Variants in CDH4 observed in about 807,000 individuals in gnomAD.
The protein encoded by CDH4 is cadherin-4.
CDH4 carries 33 observed loss-of-function variants against 86.0 expected under a neutral mutation model. That is an observed-to-expected ratio of 0.38 (90% confidence interval 0.29 to 0.51). The LOEUF is 0.51. Ranked by LOEUF, CDH4 falls within the 20% of genes least tolerant of loss-of-function variation. The probability of loss-of-function intolerance (pLI) is 0.86; values close to 1 mark genes in which losing one functional copy is unlikely to be tolerated. For synonymous variants in CDH4, 555 were observed against 549.4 expected (o/e 1.01, Z -0.14); for missense variants, 1,114 against 1,307.4 (o/e 0.85, Z 2.28).
At chr20:61,336,300 A>G (rs887028844) in intron 2 of CDH4, among the ~76,000 whole-genome samples, 3 of 152,164 alleles carry the variant, frequency 2.0e-5, no homozygotes, top group Non-Finnish European at 4.4e-5. Flanking sequence ...TGATGTGTAT[A>G]AAATATGCAC....
intron 2 of CDH4, among the ~76,000 whole-genome samples, chr20:61,730,910 G>A (rs1271495518): frequency 3.2e-4 from 49 of 152,182 alleles, no homozygotes; most frequent in Non-Finnish European, 5.9e-5. Flanking sequence ...GGTCTGGGAT[G>A]GATTGGGTGT....
At chr20:61,762,697 C>A (rs141445655) in intron 3 of CDH4, among the ~76,000 whole-genome samples, 10 of 152,232 alleles carry the variant, frequency 6.6e-5, no homozygotes, top group African/African-American at 2.4e-4. Context: ...TCTGCTTATA[C>A]AAATCGGACC....
chr20:61,509,688 A>G (rs1455068125), intron 2 of CDH4, among the ~76,000 whole-genome samples: 2 of 152,068 alleles, frequency 1.3e-5, no homozygotes, highest in African/African-American at 4.8e-5. Flanking sequence ...AGTCAGGGAC[A>G]GGAGTGGCAG....
At chr20:61,629,913 C>A (rs1316125854) in intron 2 of CDH4, among the ~76,000 whole-genome samples, 1 of 152,168 alleles carries the variant, frequency 6.6e-6, no homozygotes, top group Non-Finnish European at 1.5e-5. Context: ...GTCAGGGAGT[C>A]CCCTGTGACT....
intron 2 of CDH4, among the ~76,000 whole-genome samples, chr20:61,619,880 C>T (rs1047237861): frequency 6.6e-6 from 1 of 152,222 alleles, no homozygotes; most frequent in Non-Finnish European, 1.5e-5. Context: ...ATGATGGCAG[C>T]GCTGGGGCCT....
At chr20:61,865,451 G>C (rs774529829) in intron 6 of CDH4, among the ~76,000 whole-genome samples, 5 of 152,092 alleles carry the variant, frequency 3.3e-5, no homozygotes, top group Non-Finnish European at 4.4e-5. Context: ...TATGTAATGG[G>C]TTAGTTTCCT....
At chr20:61,361,378 T>C (rs1037308242) in intron 2 of CDH4, among the ~76,000 whole-genome samples, 1 of 152,136 alleles carries the variant, frequency 6.6e-6, no homozygotes, top group Non-Finnish European at 1.5e-5. Flanking sequence ...GGAGAACTTG[T>C]AGAAATGGGC....
chr20:61,460,718 G>T (rs531903444), intron 2 of CDH4, among the ~76,000 whole-genome samples: 19 of 152,330 alleles, frequency 1.2e-4, no homozygotes, highest in Admixed American at 3.3e-4. Context: ...TGGCTGTTCT[G>T]CAGAGAAGGG....
intron 2 of CDH4, among the ~76,000 whole-genome samples, chr20:61,264,177 G>A (rs1321077800): frequency 2.0e-5 from 3 of 152,158 alleles, no homozygotes; most frequent in African/African-American, 7.2e-5. Flanking sequence ...TAGCAGGTGT[G>A]TGTGGGAGTT....
chr20:61,612,091 A>AT lies in CDH4; in HGVS notation c.170-131464dup, dbSNP rs146168582. Among the ~76,000 whole-genome samples the AT allele has an allele frequency of 3.1e-3, 472 of 152,162 alleles. 5 individuals carry two copies. Among genetic ancestry groups the AT allele is most frequent in the African/African-American group, 0.011 (439 of 41,450 alleles). On this transcript the variant is annotated intron_variant, in intron 2 of 15. Transcript: ENST00000614565. Reference sequence around the variant, plus strand: ...TCTAGTACAATTATGGAATTTAAAAATTTTTTTTGAGTCATAAAAATGTGC... The same window carrying AT: ...TCTAGTACAATTATGGAATTTAAAAATTTTTTTTTGAGTCATAAAAATGTGC...
intron 4 of CDH4, among the ~76,000 whole-genome samples, chr20:61,786,400 T>C (rs1398254223): frequency 2.6e-5 from 4 of 152,112 alleles, no homozygotes; most frequent in Non-Finnish European, 5.9e-5. Context: ...CCCACGGGGA[T>C]TCACATTGTC....
intron 2 of CDH4, among the ~76,000 whole-genome samples, chr20:61,545,574 T>A (rs911518072): frequency 1.3e-5 from 2 of 152,044 alleles, no homozygotes; most frequent in African/African-American, 2.4e-5. Context: ...TGACGTGGAC[T>A]TTTTTTTCAT....
chr20:61,546,891 A>C (rs954219949), intron 2 of CDH4, among the ~76,000 whole-genome samples: 1 of 152,118 alleles, frequency 6.6e-6, no homozygotes, highest in African/African-American at 2.4e-5. Context: ...CACGGGAGAC[A>C]GGCAGGTAGT....
chr20:61,781,568 C>G (rs932403760), intron 4 of CDH4, among the ~76,000 whole-genome samples: 20 of 152,134 alleles, frequency 1.3e-4, no homozygotes, highest in African/African-American at 4.6e-4. Flanking sequence ...GAAGATGGAT[C>G]AATACAATTA....
At chr20:61,404,595 G>A (rs1223014790) in intron 2 of CDH4, among the ~76,000 whole-genome samples, 3 of 152,088 alleles carry the variant, frequency 2.0e-5, no homozygotes, top group Non-Finnish European at 4.4e-5. Flanking sequence ...CGTGGGCAGG[G>A]GATTTGGGAG....
At chr20:61,617,916 G>T (rs572054503) in intron 2 of CDH4, among the ~76,000 whole-genome samples, 1 of 152,208 alleles carries the variant, frequency 6.6e-6, no homozygotes, top group Non-Finnish European at 1.5e-5. Context: ...CTCCCATGCT[G>T]TTCTCATGGT....
At chr20:61,288,757 G>A (rs1459855928) in intron 2 of CDH4, among the ~76,000 whole-genome samples, 7 of 152,226 alleles carry the variant, frequency 4.6e-5, no homozygotes, top group Non-Finnish European at 7.3e-5. Flanking sequence ...CCTGCCCGGC[G>A]CTGACGTTGC....
chr20:61,427,329 AGAT>A (rs1403103302), intron 2 of CDH4, among the ~76,000 whole-genome samples: 1 of 152,158 alleles, frequency 6.6e-6, no homozygotes, highest in Non-Finnish European at 1.5e-5. Flanking sequence ...CCAAGGTGGA[AGAT>A]GATGTGTCTC....
chr20:61,481,666 C>T (rs1232144744), intron 2 of CDH4, among the ~76,000 whole-genome samples: 1 of 152,166 alleles, frequency 6.6e-6, no homozygotes, highest in African/African-American at 2.4e-5. Context: ...TGCTAGAGCA[C>T]AAGTTTGAGC....
Sources: gnomAD v4.1 joint callset for allele counts (sites outside exome capture counted in the v4.1 genomes callset) on GRCh38, gnomAD v4.1.1 for gene constraint, MANE v1.5 for transcripts, NCBI Gene and HGNC (gene_info 2026-07-23, HGNC 2026-07-21) for gene names.